The following USP24 variants were observed in gnomAD, a reference collection of about 807,000 sequenced individuals.
The protein encoded by USP24 is ubiquitin carboxyl-terminal hydrolase 24.
USP24 carries 97 observed loss-of-function variants against 361.6 expected under a neutral mutation model. The observed-to-expected ratio is 0.27, with a 90% CI of 0.23 to 0.32. The LOEUF is 0.32. Ranked by LOEUF, USP24 falls within the 10% of genes least tolerant of loss-of-function variation. The pLI, the probability that USP24 is intolerant of heterozygous loss-of-function variation, is 1.00. For missense variants in USP24, 2,353 were observed against 3,165.6 expected, an observed-to-expected ratio of 0.74 and a Z score of 6.16; for synonymous variants, 1,098 against 1,124.6, an observed-to-expected ratio of 0.98 and a Z score of 0.47.
intron 12 of USP24, among the ~76,000 whole-genome samples, chr1:55,155,812 G>C (rs1454892400): frequency 2.0e-5 from 3 of 152,164 alleles, no homozygotes; most frequent in African/African-American, 7.2e-5. Context: ...GGCTGTGGCT[G>C]CAAGGGACTC....
chr1:55,171,383 A>G (rs935864984), intron 5 of USP24, among the ~76,000 whole-genome samples, 173 bp downstream of exon 5: 104 of 152,350 alleles, frequency 6.8e-4, no homozygotes, highest in African/African-American at 2.3e-3. Context: ...AGAGCTATGG[A>G]AAAATTATGC....
In USP24 at chr1:55,120,650, G is replaced by A. The variant is rs555924829; in HGVS notation, c.4454C>T (p.Thr1485Met). 5.4e-5 allele frequency: 84 copies of A among 1,560,424 alleles called. No homozygotes were observed. The South Asian group carries it at 6.1e-4, about 11-fold the overall frequency. The stretch of plus-strand genomic sequence containing the variant: ...TGGAGACCAGAGAGGCAGCTGAGCC[G>A]TGAGGATTACGCCTAGAAGAAACTG... ...PNQFLLGVIL[T>M]AQLPLWSPTS... is the part of the protein sequence containing the mutation. The change falls in exon 38 of 68, where the codon ACG becomes ATG. Residue 1485 changes from threonine (T) to methionine (M), a missense_variant. Physicochemically the swap from Thr to Met is moderately conservative, Grantham distance 81. Around this residue, in one of 8 missense-constraint regions of USP24, gnomAD observed 949 missense variants for 1,280.5 expected, o/e 0.74. Transcript: ENST00000294383.
At chr1:55,096,263 C>A (rs1645493596) in intron 50 of USP24, among the ~76,000 whole-genome samples, 1 of 152,168 alleles carries the variant, frequency 6.6e-6, no homozygotes, top group Admixed American at 6.5e-5. Context: ...TTACTCCCAG[C>A]TCCCCTACCT....
intron 57 of USP24, 149 bp from the exon 58 acceptor site, chr1:55,083,513 A>T (rs113971739): frequency 0.013 from 11,015 of 843,780 alleles, 255 homozygotes; most frequent in African/African-American, 0.08. Context: ...AAATCTAATT[A>T]AAAAAACTCC....
chr1:55,079,508 A>C, intron 60 of USP24, 30 bp downstream of exon 60: 1 of 1,555,914 alleles, frequency 6.4e-7, no homozygotes, highest in Non-Finnish European at 8.6e-7. Context: ...CAGGAGGGAA[A>C]AAAATGGCTT....
intron 2 of USP24, 68 bp from the exon 3 acceptor site, chr1:55,176,511 T>C: frequency 7.1e-7 from 1 of 1,400,996 alleles, no homozygotes; most frequent in Non-Finnish European, 9.9e-7. Context: ...GTAAAATGAA[T>C]GAAATAATAC....
Position 55,120,467 on chromosome 1 carries a change from C to T in USP24, c.4508+129G>A, listed in dbSNP as rs954079245. On this transcript the variant is annotated intron_variant, in intron 38 of 67. Coordinates refer to ENST00000294383, the MANE Select transcript of USP24 (RefSeq NM_015306.3). ...CTATCCAAATGCCATCTTTCAGGAC[C>T]CAAATTTCAGAAGAAGAAAGAAATT... The T allele has an allele frequency of 6.1e-6, 7 of 1,152,424 alleles. No individual in the cohort carries two copies. The Admixed American group carries it at 2.0e-4, about 33-fold the overall frequency. 71.4% of individuals were successfully genotyped at this position (1,152,424 alleles called of 1,614,324 possible).
intron 62 of USP24, 83 bp from the exon 63 acceptor site, chr1:55,075,606 A>G: frequency 1.1e-6 from 1 of 904,762 alleles, no homozygotes; most frequent in Non-Finnish European, 1.7e-6. Context: ...ATTCTACCCA[A>G]GAGATTAATT....
intron 55 of USP24, among the ~76,000 whole-genome samples, chr1:55,088,457 G>A (rs1364414159): frequency 2.0e-5 from 3 of 152,134 alleles, no homozygotes; most frequent in Non-Finnish European, 4.4e-5. Flanking sequence ...GATAATTAAA[G>A]GGTCAACTTC....
At chr1:55,142,162 G>A (rs965523458) in intron 23 of USP24, among the ~76,000 whole-genome samples, 4 of 152,092 alleles carry the variant, frequency 2.6e-5, no homozygotes, top group Non-Finnish European at 5.9e-5. Flanking sequence ...TATGCTTTTG[G>A]AACATTTTTG....
chr1:55,071,961 G>A lies in USP24; in HGVS notation c.7690-37C>T, dbSNP rs777183172. The A allele has an allele frequency of 8.7e-5, 135 of 1,558,838 alleles. 1 individual carries two copies. In the Middle Eastern group the frequency reaches 1.0e-3, roughly 12 times the overall value. ...TCAAACACAAGACGACAAAGTTAGG[G>A]CCCATTCAGTGGCAGCAGCAACCGC... On this transcript the variant is annotated intron_variant, in intron 66 of 67. Coordinates refer to ENST00000294383, the MANE Select transcript of USP24 (RefSeq NM_015306.3).
Position 55,078,022 on chromosome 1 carries a change from TATA to T in USP24, c.7314+513_7314+515del, listed in dbSNP as rs560414508. Among the ~76,000 whole-genome samples, 6 of 152,278 alleles carry T rather than the reference TATA, an allele frequency of 3.9e-5. No individual in the cohort carries two copies. The South Asian group carries it at 6.2e-4, about 16-fold the overall frequency. The stretch of plus-strand genomic sequence containing the variant: ...AGAAAAGGCTGAGGGCAAAACATAT[TATA>T]ATAAGAGCCTAAAGACATAATCCAC... On this transcript the variant is annotated intron_variant, in intron 61 of 67. Coordinates refer to ENST00000294383, the MANE Select transcript of USP24 (RefSeq NM_015306.3).
intron 52 of USP24, 75 bp downstream of exon 52, chr1:55,093,862 T>C (rs868061933): frequency 6.4e-6 from 10 of 1,570,614 alleles, no homozygotes; most frequent in Middle Eastern, 1.7e-4. Flanking sequence ...CCAGCAGAAG[T>C]ACTTCTGGAC....
At position 55,124,582 on chromosome 1, in the gene USP24, C is replaced by A; in HGVS notation, c.4007G>T (p.Arg1336Ile). The stretch of plus-strand genomic sequence containing the variant: ...TCCTGCAGCCGCAGCCCATGACAAT[C>A]TCATGAAGCAAGCCACAGTAGAAGT... ...DFTSTVACFM[R>I]LSWAAAAGRL... Residue 1336 changes from arginine to isoleucine, a missense_variant, in exon 35 of 68, where the codon AGA becomes ATA. Arg to Ile is a moderately conservative substitution (Grantham distance 97). Transcript: ENST00000294383. 2 of 1,613,954 alleles carry A rather than the reference C, an allele frequency of 1.2e-6. No individual in the cohort carries two copies. Among genetic ancestry groups the A allele is most frequent in the Non-Finnish European group, 1.7e-6 (2 of 1,179,894 alleles).
Position 55,081,435 on chromosome 1 carries a change from G to A in USP24, c.6976-11C>T. 6.2e-7 allele frequency: 1 copy of A among 1,612,520 alleles called. No individual in the cohort carries two copies. Among genetic ancestry groups the A allele is most frequent in the South Asian group, 1.1e-5 (1 of 90,966 alleles). On this transcript the variant is annotated splice_polypyrimidine_tract_variant and intron_variant, in intron 58 of 67. Coordinates refer to ENST00000294383, the MANE Select transcript of USP24 (RefSeq NM_015306.3). The stretch of plus-strand genomic sequence containing the variant: ...ACTCCATCGACGTATCTGTCATCAG[G>A]GAAGATAAAGTGGCTGTTAGTGTTG...
rs752962588 is a variant in USP24 at position 55,086,004 on chromosome 1, G to A, written c.6703C>T (p.Arg2235Ter). ...TCCAGAATGGTGGCCACAGCAACTC[G>A]TACTTCTCTCACATTGCACTCCAGT... ...FLLECNVREVRVAVATILEKT... is the reference protein window; with the variant it reads ...FLLECNVREV The change falls in exon 56 of 68, where the codon CGA (arginine) becomes TGA (stop). Residue 2235 changes from arginine to a stop codon, truncating the protein, a stop_gained. Coordinates refer to ENST00000294383, the MANE Select transcript of USP24 (RefSeq NM_015306.3). LOFTEE classifies it high-confidence loss of function. 6.2e-7 allele frequency: 1 copy of A among 1,613,898 alleles called. No individual in the cohort carries two copies. The highest frequency in any genetic ancestry group is 1.1e-5 in the South Asian group (1 of 91,068).
chr1:55,183,822 C>T (rs951303274), intron 1 of USP24, among the ~76,000 whole-genome samples: 1 of 152,060 alleles, frequency 6.6e-6, no homozygotes, highest in Non-Finnish European at 1.5e-5. Context: ...ATATCATACA[C>T]ACATACAGGA....
chr1:55,097,275 G>T, intron 48 of USP24, 103 bp from the exon 49 acceptor site: 1 of 1,300,998 alleles, frequency 7.7e-7, no homozygotes, highest in Non-Finnish European at 1.1e-6. Context: ...CCTAGTTTAA[G>T]CTAGGAACAA....
chr1:55,110,751 A>C (rs1645925730), intron 38 of USP24, among the ~76,000 whole-genome samples: 1 of 152,146 alleles, frequency 6.6e-6, no homozygotes, highest in Admixed American at 6.5e-5. Flanking sequence ...CTTTTTCTGC[A>C]ATTATAGTAG....
Sources: allele counts gnomAD v4.1 joint callset (sites outside exome capture counted in the v4.1 genomes callset), GRCh38; gene constraint gnomAD v4.1.1; regional missense constraint gnomAD v4.1.1; transcripts MANE v1.5; gene names NCBI Gene and HGNC (gene_info 2026-07-23, HGNC 2026-07-21).